Variants in SUPT3H observed in about 807,000 individuals in gnomAD.
SUPT3H encodes transcription initiation protein SPT3 homolog.
A neutral mutation model predicts 44.3 loss-of-function variants in SUPT3H; 44 were observed. That is an observed-to-expected ratio of 0.99 (90% CI 0.78 to 1.28). The LOEUF (loss-of-function observed/expected upper bound fraction) is 1.28. SUPT3H is among the 50% of genes most tolerant of loss of function. The probability of loss-of-function intolerance (pLI) is 0.00; values close to 1 mark genes in which losing one functional copy is unlikely to be tolerated. For missense variants in SUPT3H, 380 were observed against 387.1 expected (o/e 0.98, Z 0.15); for synonymous variants, 124 against 125.6 (o/e 0.99, Z 0.09).
At chr6:45,244,838 A>C (rs182904101) in intron 2 of SUPT3H, among the ~76,000 whole-genome samples, 1 of 152,264 alleles carries the variant, frequency 6.6e-6, no homozygotes, top group Admixed American at 6.5e-5. Flanking sequence ...CTGAGGGTTA[A>C]ATTTCTTGAG....
chr6:44,860,781 A>C (rs2153425340), intron 10 of SUPT3H, among the ~76,000 whole-genome samples: 1 of 152,358 alleles, frequency 6.6e-6, no homozygotes, highest in Admixed American at 6.5e-5. Context: ...TATATGGACT[A>C]GAAACCAATT....
intron 1 of SUPT3H, among the ~76,000 whole-genome samples, chr6:45,376,646 T>C (rs1796817897): frequency 6.6e-6 from 1 of 152,202 alleles, no homozygotes; most frequent in African/African-American, 2.4e-5. Context: ...TAAGAAACTT[T>C]CCATAGCACA....
At chr6:45,320,045 AATGATT>A (rs1166263832) in intron 2 of SUPT3H, among the ~76,000 whole-genome samples, 9 of 152,276 alleles carry the variant, frequency 5.9e-5, no homozygotes. Flanking sequence ...GACACAATAT[AATGATT>A]ATATGATCAA....
intron 2 of SUPT3H, among the ~76,000 whole-genome samples, chr6:45,242,359 A>G (rs932773233): frequency 2.0e-5 from 3 of 152,216 alleles, no homozygotes; most frequent in African/African-American, 7.2e-5. Context: ...GTATTTCACC[A>G]AGAAAGAACT....
At chr6:44,910,867 T>C (rs961655074) in intron 10 of SUPT3H, among the ~76,000 whole-genome samples, 3 of 151,456 alleles carry the variant, frequency 2.0e-5, no homozygotes, top group Non-Finnish European at 4.4e-5. Context: ...TGATGGCAGG[T>C]GCCTATACTC....
chr6:44,930,007 C>T lies in SUPT3H; in HGVS notation c.912+2646G>A, dbSNP rs62436377. Among the ~76,000 whole-genome samples, 1,054 of 151,886 alleles carry T rather than the reference C, an allele frequency of 6.9e-3. 8 individuals carry two copies. The highest frequency in any genetic ancestry group is 8.7e-3 in the Non-Finnish European group (589 of 67,924). ...TCATACCTGTAATCCCAGCACTTTG[C>T]GAGGCCGAGGTGGGTGGATCACCTG... is the stretch of plus-strand genomic sequence containing the variant. On this transcript the variant is annotated intron_variant, in intron 10 of 10. Coordinates refer to ENST00000371459, the MANE Select transcript of SUPT3H (RefSeq NM_003599.4).
intron 11 of SUPT3H, among the ~76,000 whole-genome samples, chr6:44,817,317 G>A (rs1351513859): frequency 2.0e-5 from 3 of 150,552 alleles, no homozygotes; most frequent in African/African-American, 7.3e-5. Context: ...CGGCAAAAAA[G>A]GAATAAAAGG....
At chr6:45,106,338 G>A (rs1330121740) in intron 2 of SUPT3H, among the ~76,000 whole-genome samples, 6 of 152,178 alleles carry the variant, frequency 3.9e-5, no homozygotes, top group African/African-American at 1.4e-4. Context: ...AGGCTGAGGT[G>A]GGGGGATGGC....
chr6:45,354,305 T>A (rs542309936), intron 2 of SUPT3H, among the ~76,000 whole-genome samples: 4 of 152,182 alleles, frequency 2.6e-5, no homozygotes, highest in Non-Finnish European at 5.9e-5. Context: ...AAAGATCTGA[T>A]AACATAGTTG....
At chr6:45,053,993 G>A (rs575740390) in intron 3 of SUPT3H, among the ~76,000 whole-genome samples, 32 of 149,860 alleles carry the variant, frequency 2.1e-4, no homozygotes, top group African/African-American at 7.4e-4. Context: ...AGGTGAGCTC[G>A]CCTATACCCA....
chr6:45,102,090 CAT>C (rs1798656087), intron 3 of SUPT3H, among the ~76,000 whole-genome samples: 1 of 151,764 alleles, frequency 6.6e-6, no homozygotes, highest in South Asian at 2.1e-4. Flanking sequence ...TTTGACAAAA[CAT>C]AAAGAACTGA....
At chr6:44,897,300 A>G (rs1045021160) in intron 10 of SUPT3H, among the ~76,000 whole-genome samples, 1 of 152,246 alleles carries the variant, frequency 6.6e-6, no homozygotes, top group African/African-American at 2.4e-5. Flanking sequence ...TTTAAAAATA[A>G]TGGCTGAATT....
Position 45,087,168 on chromosome 6 carries a change from A to G in SUPT3H, c.186+18754T>C, listed in dbSNP as rs540761853. On this transcript the variant is annotated intron_variant, in intron 3 of 10. Transcript: ENST00000371459. Reference sequence around the variant, plus strand: ...TTTTGAAGAAAATTCTACTTTTAGGAATACATATTTTGAAGTGTTAAAGTG... The same window carrying G: ...TTTTGAAGAAAATTCTACTTTTAGGGATACATATTTTGAAGTGTTAAAGTG... 8.2e-4 allele frequency among the ~76,000 whole-genome samples: 124 copies of G among 152,068 alleles called. 1 individual carries two copies. The highest frequency in any genetic ancestry group is 2.2e-3 in the African/African-American group (92 of 41,556).
chr6:45,139,915 G>A (rs1005025325), intron 2 of SUPT3H, among the ~76,000 whole-genome samples: 14 of 152,100 alleles, frequency 9.2e-5, no homozygotes, highest in African/African-American at 3.1e-4. Flanking sequence ...GGGGGCAAAC[G>A]GGAACTGCTA....
chr6:44,820,881 G>A (rs1045505518), intron 11 of SUPT3H, among the ~76,000 whole-genome samples: 2 of 152,132 alleles, frequency 1.3e-5, no homozygotes, highest in Non-Finnish European at 2.9e-5. Context: ...GACAGGGTCT[G>A]GCTGTGTTGC....
chr6:45,282,019 C>A (rs1778201889), intron 2 of SUPT3H, among the ~76,000 whole-genome samples: 1 of 152,208 alleles, frequency 6.6e-6, no homozygotes, highest in Admixed American at 6.5e-5. Context: ...AGACCTGCAG[C>A]TGAGGGTCCT....
chr6:44,890,614 TG>T (rs1763126356), intron 10 of SUPT3H, among the ~76,000 whole-genome samples: 1 of 18,862 alleles, frequency 5.3e-5, no homozygotes, highest in African/African-American at 2.3e-4. Flanking sequence ...TGTTGTGGGG[TG>T]GGGGAGGGGG....
At chr6:45,252,674 A>G (rs564947115) in intron 2 of SUPT3H, among the ~76,000 whole-genome samples, 1 of 152,290 alleles carries the variant, frequency 6.6e-6, no homozygotes, top group Non-Finnish European at 1.5e-5. Context: ...GAAAACATCT[A>G]TCAGAAGAGG....
intron 2 of SUPT3H, among the ~76,000 whole-genome samples, chr6:45,107,243 G>A (rs572959933): frequency 1.3e-5 from 2 of 152,258 alleles, no homozygotes; most frequent in South Asian, 2.1e-4. Context: ...GAAAAAAAGA[G>A]TTCTATAATA....
Sources: allele counts gnomAD v4.1 joint callset (sites outside exome capture counted in the v4.1 genomes callset), GRCh38; gene constraint gnomAD v4.1.1; transcripts MANE v1.5; gene names NCBI Gene and HGNC (gene_info 2026-07-23, HGNC 2026-07-21).